Variants in TM9SF3 observed in about 807,000 individuals in gnomAD.
TM9SF3 encodes SM-11044-binding protein.
A neutral mutation model predicts 78.6 loss-of-function variants in TM9SF3; 14 were observed. The ratio of observed to expected loss-of-function variants is 0.18; its 90% CI spans 0.12 to 0.28. The LOEUF (loss-of-function observed/expected upper bound fraction) is 0.28, where lower values mean the gene tolerates loss of function less well. TM9SF3 is among the 10% of genes least tolerant of loss of function. The probability of loss-of-function intolerance (pLI) is 1.00; values close to 1 mark genes in which losing one functional copy is unlikely to be tolerated. For synonymous variants in TM9SF3, 231 were observed against 241.7 expected (o/e 0.96, Z 0.41); for missense variants, 496 against 721.9 (o/e 0.69, Z 3.59).
intron 2 of TM9SF3, 72 bp downstream of exon 2, chr10:96,576,562 C>T: frequency 7.3e-7 from 1 of 1,374,186 alleles, no homozygotes; most frequent in Non-Finnish European, 9.8e-7. Flanking sequence ...ACACCAGTGT[C>T]AATAGTGCCA....
At chr10:96,579,933 AAAAC>A (rs1305352060) in intron 1 of TM9SF3, among the ~76,000 whole-genome samples, 7 of 152,358 alleles carry the variant, frequency 4.6e-5, no homozygotes, top group South Asian at 2.1e-4. Context: ...AGGAGAAAAC[AAAAC>A]AAACAAAAAT....
chr10:96,570,858 G>A (rs1214464960), intron 2 of TM9SF3, among the ~76,000 whole-genome samples: 1 of 152,166 alleles, frequency 6.6e-6, no homozygotes, highest in African/African-American at 2.4e-5. Context: ...CAATTCTCCT[G>A]CCTCGGCTTC....
chr10:96,534,037 T>C lies in TM9SF3; in HGVS notation c.1186-847A>G, dbSNP rs181040096. 3.5e-3 allele frequency among the ~76,000 whole-genome samples: 525 copies of C among 152,168 alleles called. 3 individuals are homozygous for C. Among genetic ancestry groups the C allele is most frequent in the Non-Finnish European group, 4.1e-3 (282 of 67,998 alleles). On this transcript the variant is annotated intron_variant, in intron 9 of 14. Transcript: ENST00000371142. The stretch of plus-strand genomic sequence containing the variant: ...ATTATACACTTTAGGTTATAATAAA[T>C]AGAAAGTAAAAGTGAGAGAAAAACT...
intron 4 of TM9SF3, chr10:96,560,793 C>T (rs1848297835): frequency 1.8e-6 from 1 of 557,806 alleles, no homozygotes; most frequent in South Asian, 1.4e-5. Flanking sequence ...AGACTCAAAA[C>T]TATCAACACT....
At chr10:96,563,035 GT>G (rs1256988287) in intron 3 of TM9SF3, among the ~76,000 whole-genome samples, 1 of 147,172 alleles carries the variant, frequency 6.8e-6, no homozygotes, top group African/African-American at 2.6e-5. Flanking sequence ...GTATAGTTTT[GT>G]TTTGCTTGGG....
chr10:96,581,822 C>A (rs1001831766), intron 1 of TM9SF3, among the ~76,000 whole-genome samples: 2 of 152,132 alleles, frequency 1.3e-5, no homozygotes, highest in Admixed American at 6.5e-5. Flanking sequence ...GAGGCAGAGG[C>A]TGAGTAAACG....
At chr10:96,573,534 G>A (rs1375618571) in intron 2 of TM9SF3, among the ~76,000 whole-genome samples, 1 of 152,144 alleles carries the variant, frequency 6.6e-6, no homozygotes, top group East Asian at 1.9e-4. Context: ...GCAACTCTCA[G>A]GGAATAACAC....
chr10:96,544,558 G>A (rs1025576019), intron 8 of TM9SF3, among the ~76,000 whole-genome samples: 1 of 152,090 alleles, frequency 6.6e-6, no homozygotes, highest in African/African-American at 2.4e-5. Context: ...AGAGAAAGGG[G>A]TTTTAAAACT....
Position 96,527,570 on chromosome 10 carries a change from G to A in TM9SF3, c.1542-74C>T, listed in dbSNP as rs535689022. The A allele has an allele frequency of 6.7e-5, 82 of 1,219,190 alleles. No homozygotes were observed. In the African/African-American group the frequency reaches 1.2e-3, roughly 17 times the overall value. The allele number at this position is 1,219,190 out of a possible 1,614,324, so 75.5% of individuals were successfully genotyped here. ...ACTAAAACAAAGATTTTAAAGCAAA[G>A]AATTTAATAAAACATCCTTTAAAGT... On this transcript the variant is annotated intron_variant, in intron 12 of 14. Coordinates refer to ENST00000371142, the MANE Select transcript of TM9SF3 (RefSeq NM_020123.4).
intron 2 of TM9SF3, among the ~76,000 whole-genome samples, chr10:96,570,301 T>A (rs963287203): frequency 6.6e-6 from 1 of 152,190 alleles, no homozygotes; most frequent in African/African-American, 2.4e-5. Context: ...ACAATGTGGA[T>A]AAACACAAAC....
chr10:96,570,835 T>C (rs1848430100), intron 2 of TM9SF3, among the ~76,000 whole-genome samples: 1 of 152,154 alleles, frequency 6.6e-6, no homozygotes, highest in African/African-American at 2.4e-5. Flanking sequence ...AACCTCTGCC[T>C]CCTGGATTCA....
chr10:96,570,779 CTT>C (rs1848429529), intron 2 of TM9SF3, among the ~76,000 whole-genome samples: 4 of 152,162 alleles, frequency 2.6e-5, no homozygotes, highest in Non-Finnish European at 5.9e-5. Flanking sequence ...GAGTTTTGCT[CTT>C]GTCACGCAGG....
intron 4 of TM9SF3, chr10:96,560,757 G>A: frequency 1.8e-6 from 1 of 568,888 alleles, no homozygotes. Flanking sequence ...AGCCAAAAAT[G>A]CACAAAAGTC....
At chr10:96,576,886 A>C in intron 1 of TM9SF3, 57 bp from the exon 2 acceptor site, 1 of 1,380,090 alleles carries the variant, frequency 7.2e-7, no homozygotes, top group Non-Finnish European at 9.5e-7. Flanking sequence ...ATTCAAATTA[A>C]GGGAATATTT....
chr10:96,540,471 G>A (rs1032052786), intron 9 of TM9SF3, among the ~76,000 whole-genome samples: 3 of 152,128 alleles, frequency 2.0e-5, no homozygotes, highest in Admixed American at 2.0e-4. Flanking sequence ...AGCTAAGGCA[G>A]CTGGGTACTC....
chr10:96,539,363 A>C lies in TM9SF3; in HGVS notation c.1185+4713T>G, dbSNP rs561146193. On this transcript the variant is annotated intron_variant, in intron 9 of 14. Transcript: ENST00000371142. ...ACAGAGCAAGACCCAGTCTCAAAAAAAAAATTTTTTTAATGCAACATCAAT... is the reference window on the plus strand; with the variant it reads ...ACAGAGCAAGACCCAGTCTCAAAAACAAAATTTTTTTAATGCAACATCAAT... Among the ~76,000 whole-genome samples, 8 of 143,106 alleles carry C rather than the reference A, an allele frequency of 5.6e-5. No individual in the cohort carries two copies. The South Asian group carries it at 1.8e-3, about 31-fold the overall frequency. 93.9% of individuals were successfully genotyped at this position (143,106 alleles called of 152,430 possible). A position where few individuals can be genotyped will look rare whatever the true frequency, so the allele number is the denominator to read the frequency against.
chr10:96,530,467 CAT>C (rs1230799577), intron 11 of TM9SF3, 71 bp downstream of exon 11: 3 of 1,238,540 alleles, frequency 2.4e-6, no homozygotes, highest in Non-Finnish European at 3.4e-6. Flanking sequence ...GATAACTTTA[CAT>C]GTTCCCTAAC....
At chr10:96,553,155 A>G in intron 5 of TM9SF3, 96 bp from the exon 6 acceptor site, 1 of 1,300,572 alleles carries the variant, frequency 7.7e-7, no homozygotes, top group Non-Finnish European at 1.0e-6. Context: ...GCAAAGAAAA[A>G]AAAAAGTCTT....
intron 7 of TM9SF3, among the ~76,000 whole-genome samples, chr10:96,550,517 C>T (rs549612176): frequency 2.6e-5 from 4 of 152,220 alleles, no homozygotes; most frequent in South Asian, 4.2e-4. Context: ...TATGGCCGCA[C>T]CTGAAATGCC....
Sources: allele counts gnomAD v4.1 joint callset (sites outside exome capture counted in the v4.1 genomes callset), GRCh38; gene constraint gnomAD v4.1.1; transcripts MANE v1.5; gene names NCBI Gene and HGNC (gene_info 2026-07-23, HGNC 2026-07-21).